Variants in ITSN1 observed in about 807,000 individuals in gnomAD.
ITSN1 encodes the protein intersectin-1.
In ITSN1, 58 loss-of-function variants were observed where a neutral mutation model predicts 239.8. The observed-to-expected ratio is 0.24, with a 90% confidence interval of 0.20 to 0.30. The LOEUF (loss-of-function observed/expected upper bound fraction) is 0.30. ITSN1 is among the 10% of genes least tolerant of loss of function. ITSN1 has a pLI of 1.00. For missense variants in ITSN1, 1,558 were observed against 2,103.3 expected, an observed-to-expected ratio of 0.74 and a Z score of 5.07; for synonymous variants, 780 against 770.8, an observed-to-expected ratio of 1.01 and a Z score of -0.20.
intron 1 of ITSN1, among the ~76,000 whole-genome samples, chr21:33,644,204 T>C (rs1303447357): frequency 6.6e-6 from 1 of 152,368 alleles, no homozygotes; most frequent in Middle Eastern, 3.4e-3. Flanking sequence ...ACTGGTGTGC[T>C]TGAAACGTTA....
intron 35 of ITSN1, among the ~76,000 whole-genome samples, chr21:33,883,338 C>T (rs377158660): frequency 3.9e-4 from 59 of 152,326 alleles, no homozygotes; most frequent in East Asian, 7.7e-4. Flanking sequence ...AAAACACACA[C>T]GCCCTTAGTC....
At chr21:33,661,001 C>G (rs143361316) in intron 1 of ITSN1, among the ~76,000 whole-genome samples, 78 of 152,310 alleles carry the variant, frequency 5.1e-4, no homozygotes, top group African/African-American at 1.5e-3. Flanking sequence ...CACCACCCAT[C>G]TTATTAGAAA....
chr21:33,806,302 C>G (rs921859234), intron 20 of ITSN1, among the ~76,000 whole-genome samples: 5 of 152,158 alleles, frequency 3.3e-5, no homozygotes, highest in Non-Finnish European at 5.9e-5. Context: ...GTTTTACTAC[C>G]TGCACTCCTC....
In ITSN1 at chr21:33,846,240, A is replaced by G. The variant is rs1370776042; in HGVS notation, c.3661+9608A>G. On this transcript the variant is annotated intron_variant, in intron 29 of 39. Coordinates refer to ENST00000381318, the MANE Select transcript of ITSN1 (RefSeq NM_003024.3). ...CCCCAGCTGCAAATGCCTTTGCCCC[A>G]CCTCCCCTGCCTTTCCTGCCCACCT... 2.0e-5 allele frequency among the ~76,000 whole-genome samples: 3 copies of G among 151,376 alleles called. No individual in the cohort carries two copies. In the South Asian group the frequency reaches 6.3e-4, roughly 32 times the overall value.
intron 11 of ITSN1, among the ~76,000 whole-genome samples, chr21:33,771,155 C>T (rs1406291486): frequency 6.6e-6 from 1 of 152,300 alleles, no homozygotes; most frequent in Admixed American, 6.5e-5. Flanking sequence ...CATACTTGCC[C>T]GCTTTCATCT....
At chr21:33,868,885 C>G (rs1982219447) in intron 33 of ITSN1, among the ~76,000 whole-genome samples, 1 of 152,118 alleles carries the variant, frequency 6.6e-6, no homozygotes, top group Non-Finnish European at 1.5e-5. Context: ...CCTCTCAATA[C>G]TGCACAGCCT....
chr21:33,784,078 T>C (rs1199517727), intron 16 of ITSN1, among the ~76,000 whole-genome samples: 2 of 152,192 alleles, frequency 1.3e-5, no homozygotes, highest in Non-Finnish European at 2.9e-5. Context: ...TAGCCCTTTT[T>C]CCAAATATGC....
intron 22 of ITSN1, among the ~76,000 whole-genome samples, chr21:33,816,834 C>T (rs2073309279): frequency 6.6e-6 from 1 of 152,058 alleles, no homozygotes; most frequent in Non-Finnish European, 1.5e-5. Context: ...GTTCGAAATC[C>T]AGGGAAACCC....
chr21:33,683,987 G>A (rs1199737027), intron 1 of ITSN1, among the ~76,000 whole-genome samples: 5 of 152,152 alleles, frequency 3.3e-5, no homozygotes, highest in Admixed American at 1.3e-4. Flanking sequence ...AGAGGAAAGG[G>A]GGAAAAAAGG....
At chr21:33,748,816 G>A (rs1188626904) in intron 5 of ITSN1, among the ~76,000 whole-genome samples, 3 of 152,064 alleles carry the variant, frequency 2.0e-5, no homozygotes, top group African/African-American at 7.2e-5. Flanking sequence ...AGTGAGCTAT[G>A]ATCATGCCAT....
At position 33,897,255 on chromosome 21, in the gene ITSN1, A is replaced by T. The variant is rs1428690354; in HGVS notation, c.*8955A>T. On this transcript the variant is annotated 3_prime_UTR_variant, in exon 40 of 40. Coordinates refer to ENST00000381318, the MANE Select transcript of ITSN1 (RefSeq NM_003024.3). ...ATCAACCTCAGATCTCATCTGCTGTAGCCCCGCAAGCCGGAGTCTGTGCCC... is the reference window on the plus strand; with the variant it reads ...ATCAACCTCAGATCTCATCTGCTGTTGCCCCGCAAGCCGGAGTCTGTGCCC... 1 of 152,344 alleles carries T rather than the reference A, an allele frequency of 6.6e-6. No individual in the cohort carries two copies. Among genetic ancestry groups the T allele is most frequent in the African/African-American group, 2.4e-5 (1 of 41,466 alleles). 9.4% of individuals were successfully genotyped at this position (152,344 alleles called of 1,614,324 possible). A position where few individuals can be genotyped will look rare whatever the true frequency, so the allele number is the denominator to read the frequency against.
At chr21:33,643,015 C>T (rs2087548617) in intron 1 of ITSN1, among the ~76,000 whole-genome samples, 1 of 149,772 alleles carries the variant, frequency 6.7e-6, no homozygotes, top group Non-Finnish European at 1.5e-5. Flanking sequence ...TGAATGGGCG[C>T]CGCGGCCCCG....
chr21:33,706,766 T>A lies in ITSN1; in HGVS notation c.-32-12031T>A, dbSNP rs145305655. ...TATTTGTTTATTTATTTATTTATTT[T>A]TTTTGGCGTGCTGTTGCACAATCTT... On this transcript the variant is annotated intron_variant, in intron 1 of 39. Transcript: ENST00000381318. 9.0e-3 allele frequency among the ~76,000 whole-genome samples: 1,364 copies of A among 152,190 alleles called. 27 individuals are homozygous for A. Among genetic ancestry groups the A allele is most frequent in the African/African-American group, 0.03 (1,237 of 41,548 alleles).
chr21:33,666,482 A>G (rs2089940765), intron 1 of ITSN1, among the ~76,000 whole-genome samples: 1 of 152,208 alleles, frequency 6.6e-6, no homozygotes, highest in Non-Finnish European at 1.5e-5. Flanking sequence ...AAATATTTCG[A>G]CATGACGTTT....
At chr21:33,827,385 A>G (rs2074031577) in intron 26 of ITSN1, among the ~76,000 whole-genome samples, 1 of 152,108 alleles carries the variant, frequency 6.6e-6, no homozygotes, top group Admixed American at 6.5e-5. Context: ...GGGCGATAGA[A>G]CAAGACTCTA....
chr21:33,732,590 G>GT (rs1449546749), intron 4 of ITSN1, among the ~76,000 whole-genome samples: 7 of 152,158 alleles, frequency 4.6e-5, no homozygotes, highest in African/African-American at 1.4e-4. Flanking sequence ...TTAGAAGGCA[G>GT]TAAGACCAAT....
rs376380947 is a variant in ITSN1 at position 33,691,959 on chromosome 21, A to G, written c.-32-26838A>G. Among the ~76,000 whole-genome samples, 14 of 152,362 alleles carry G rather than the reference A, an allele frequency of 9.2e-5. No homozygotes were observed. In the South Asian group the frequency reaches 2.5e-3, roughly 27 times the overall value. On this transcript the variant is annotated intron_variant, in intron 1 of 39. Coordinates refer to ENST00000381318, the MANE Select transcript of ITSN1 (RefSeq NM_003024.3). Reference sequence around the variant, plus strand: ...ATTTGGTCCATGGCACTGACCTAACAAGATTGTTGCCGAAGGCAGGCCTAG... The same window carrying G: ...ATTTGGTCCATGGCACTGACCTAACGAGATTGTTGCCGAAGGCAGGCCTAG...
intron 1 of ITSN1, among the ~76,000 whole-genome samples, chr21:33,706,144 C>T (rs929322026): frequency 8.5e-5 from 13 of 152,246 alleles, no homozygotes; most frequent in African/African-American, 2.2e-4. Flanking sequence ...CTCAGCCTCC[C>T]GAGTAGCTGG....
At position 33,882,235 on chromosome 21, in the gene ITSN1, T is replaced by C; in HGVS notation, c.4342-8T>C. On this transcript the variant is annotated splice_region_variant and splice_polypyrimidine_tract_variant and intron_variant, in intron 34 of 39. Coordinates refer to ENST00000381318, the MANE Select transcript of ITSN1 (RefSeq NM_003024.3). This position sits in a 1 kb window ranked among gnomAD's most constrained non-coding sequence, Gnocchi z 4.5. ...TGCTACACTTTGGGTTTTGTTTTCC[T>C]TTCTCAGCAACTTGTGTTCAATTCA... 6.2e-7 allele frequency: 1 copy of C among 1,611,654 alleles called. No individual in the cohort carries two copies. Among genetic ancestry groups the C allele is most frequent in the Non-Finnish European group, 8.5e-7 (1 of 1,179,056 alleles).
Sources: allele counts gnomAD v4.1 joint callset (sites outside exome capture counted in the v4.1 genomes callset), GRCh38; gene constraint gnomAD v4.1.1; non-coding constraint Gnocchi (gnomAD v3.1); transcripts MANE v1.5; gene names NCBI Gene and HGNC (gene_info 2026-07-23, HGNC 2026-07-21).